STARD13: variants seen among roughly 807,000 people sequenced by gnomAD.
STARD13 encodes stAR-related lipid transfer protein 13.
Under a neutral mutation model 106.4 loss-of-function variants are expected in STARD13, and 62 were observed. The ratio of observed to expected loss-of-function variants is 0.58; its 90% CI spans 0.48 to 0.72. The LOEUF (loss-of-function observed/expected upper bound fraction) is 0.72, where lower values mean the gene tolerates loss of function less well. Ranked by LOEUF, STARD13 falls within the 30% of genes least tolerant of loss-of-function variation. STARD13 has a pLI of 0.00. For missense variants in STARD13, 1,387 were observed against 1,424.0 expected (o/e 0.97, Z 0.42); for synonymous variants, 565 against 553.0 (o/e 1.02, Z -0.31).
At chr13:33,206,753 T>C (rs1887440957) in intron 1 of STARD13, among the ~76,000 whole-genome samples, 1 of 152,212 alleles carries the variant, frequency 6.6e-6, no homozygotes, top group Non-Finnish European at 1.5e-5. Context: ...CAATGCATTG[T>C]AGACTTTCGT....
At chr13:33,542,115 TTAAA>T in the STARD13 span, among the ~76,000 whole-genome samples, 3 of 152,224 alleles carry the variant, frequency 2.0e-5, no homozygotes, top group African/African-American at 7.2e-5. Context: ...ACATGCTTTC[TTAAA>T]TAATTTGAAA....
chr13:33,255,010 A>G (rs988518886), intron 1 of STARD13, among the ~76,000 whole-genome samples: 2 of 152,166 alleles, frequency 1.3e-5, no homozygotes, highest in African/African-American at 4.8e-5. Context: ...GAGCTGGATA[A>G]CACTCACACT....
At chr13:33,623,428 TAAAAAAAAAAA>T in the STARD13 span, among the ~76,000 whole-genome samples, 4,507 of 59,426 alleles carry the variant, frequency 0.076, 113 homozygotes, top group Middle Eastern at 0.17. Context: ...CTCAATAAAG[TAAAAAAAAAAA>T]AAAAAAAAAA....
At chr13:33,249,366 G>A (rs559837808) in intron 1 of STARD13, among the ~76,000 whole-genome samples, 58 of 152,288 alleles carry the variant, frequency 3.8e-4, no homozygotes, top group Admixed American at 2.9e-3. Context: ...TGTTTCTTCC[G>A]TCTGTAATGG....
At chr13:33,255,790 G>C (rs537729882) in intron 1 of STARD13, among the ~76,000 whole-genome samples, 1 of 152,258 alleles carries the variant, frequency 6.6e-6, no homozygotes, top group South Asian at 2.1e-4. Context: ...ACCCTTGCTT[G>C]CAACTGTGCA....
At chr13:33,605,905 C>T in the STARD13 span, among the ~76,000 whole-genome samples, 2 of 152,148 alleles carry the variant, frequency 1.3e-5, no homozygotes, top group African/African-American at 4.8e-5. Context: ...TTGTTAAGGA[C>T]ATGGACTCTA....
chr13:33,638,574 A>G, the STARD13 span, among the ~76,000 whole-genome samples: 45 of 152,190 alleles, frequency 3.0e-4, 1 homozygote, highest in Non-Finnish European at 5.9e-5. Flanking sequence ...ATGCAGATGA[A>G]GCCTCCAGGT....
At chr13:33,574,913 CTTTTTT>C in the STARD13 span, among the ~76,000 whole-genome samples, 1,533 of 117,566 alleles carry the variant, frequency 0.013, 27 homozygotes, top group African/African-American at 0.048. Context: ...TATGCATCTA[CTTTTTT>C]TTTTTTTTTT....
At chr13:33,637,213 G>A in the STARD13 span, among the ~76,000 whole-genome samples, 1 of 152,168 alleles carries the variant, frequency 6.6e-6, no homozygotes, top group Non-Finnish European at 1.5e-5. Flanking sequence ...CGACTAGTAA[G>A]CTGAAGCATG....
the STARD13 span, among the ~76,000 whole-genome samples, chr13:33,618,737 A>C: frequency 6.6e-6 from 1 of 152,010 alleles, no homozygotes; most frequent in African/African-American, 2.4e-5. Context: ...GATGAGCCCC[A>C]TATTTGTCCT....
chr13:33,121,941 G>T (rs1876390704), intron 7 of STARD13, among the ~76,000 whole-genome samples: 1 of 151,962 alleles, frequency 6.6e-6, no homozygotes, highest in Admixed American at 6.6e-5. Context: ...TGCCTCCTGG[G>T]TTCAAGCAAT....
the STARD13 span, among the ~76,000 whole-genome samples, chr13:33,657,133 G>C: frequency 2.0e-5 from 3 of 152,172 alleles, no homozygotes; most frequent in African/African-American, 7.2e-5. Context: ...AGCTGGGCGT[G>C]GTGGCGGGCG....
the STARD13 span, among the ~76,000 whole-genome samples, chr13:33,624,221 A>T: frequency 6.6e-6 from 1 of 152,260 alleles, no homozygotes; most frequent in African/African-American, 2.4e-5. Context: ...GTAACAACCC[A>T]AATGTCCTCC....
chr13:33,368,009 C>G, the STARD13 span, among the ~76,000 whole-genome samples: 1 of 152,088 alleles, frequency 6.6e-6, no homozygotes, highest in Non-Finnish European at 1.5e-5. Flanking sequence ...CCCAGCTTCC[C>G]GATAATGTGG....
At chr13:33,141,822 G>A (rs146410849) in intron 4 of STARD13, among the ~76,000 whole-genome samples, 7 of 151,938 alleles carry the variant, frequency 4.6e-5, no homozygotes, top group Admixed American at 1.3e-4. Context: ...CATTTACAAC[G>A]GACACTTCTG....
the STARD13 span, among the ~76,000 whole-genome samples, chr13:33,378,325 C>T: frequency 2.0e-5 from 3 of 152,180 alleles, no homozygotes; most frequent in East Asian, 3.8e-4. Flanking sequence ...ATGCTTTCCA[C>T]CCTCTGCACC....
At chr13:33,349,113 G>A (rs1027396445) in exon 2 of STARD13, 14 of 702,240 alleles carry the variant, frequency 2.0e-5, no homozygotes, top group African/African-American at 1.4e-4. Flanking sequence ...TAAATCTCCC[G>A]CTTCACCAGT....
intron 1 of STARD13, among the ~76,000 whole-genome samples, chr13:33,205,177 C>T (rs939014067): frequency 1.3e-5 from 2 of 152,138 alleles, no homozygotes; most frequent in African/African-American, 4.8e-5. Flanking sequence ...AAAACGAAGC[C>T]GTTGAAAAAT....
At chr13:33,531,698 G>A in the STARD13 span, among the ~76,000 whole-genome samples, 1 of 152,164 alleles carries the variant, frequency 6.6e-6, no homozygotes, top group Non-Finnish European at 1.5e-5. Context: ...GGAGAGAAGA[G>A]AGTGGTGAGA....
Sources: gnomAD v4.1 joint callset for allele counts (sites outside exome capture counted in the v4.1 genomes callset) on GRCh38, gnomAD v4.1.1 for gene constraint, MANE v1.5 for transcripts, NCBI Gene and HGNC (gene_info 2026-07-23, HGNC 2026-07-21) for gene names.